ENO2: variants seen among roughly 807,000 people sequenced by gnomAD.
ENO2 encodes the protein enolase 2.
A neutral mutation model predicts 48.7 loss-of-function variants in ENO2; 19 were observed. The observed-to-expected ratio is 0.39, with a 90% CI of 0.27 to 0.57. The LOEUF (loss-of-function observed/expected upper bound fraction) is 0.57, where lower values mean the gene tolerates loss of function less well. ENO2 is among the 20% of genes least tolerant of loss of function. ENO2 has a pLI of 0.58. For synonymous variants in ENO2, 198 were observed against 213.4 expected (o/e 0.93, Z 0.63); for missense variants, 416 against 555.0 (o/e 0.75, Z 2.52).
chr12:6,918,707 C>T (rs1265086682), intron 7 of ENO2, among the ~76,000 whole-genome samples: 31 of 150,702 alleles, frequency 2.1e-4, no homozygotes, highest in African/African-American at 4.6e-4. Context: ...GAAGGCCGGG[C>T]GCGGTGGCTC....
In ENO2 at chr12:6,916,679, A is replaced by C; in HGVS notation, c.190A>C (p.Lys64Gln). ...CCTCTTCCTTTCCCCAGGTGTCCTG[A>C]AGGCAGTGGACCACATCAACTCCAC... ...KQRYLGKGVL[K>Q]AVDHINSTIA... The change falls in exon 4 of 12, where the codon AAG (lysine) becomes CAG (glutamine). Residue 64 changes from lysine (K) to glutamine (Q), a missense_variant. Lys to Gln is a moderately conservative substitution (Grantham distance 53). Coordinates refer to ENST00000229277, the MANE Select transcript of ENO2 (RefSeq NM_001975.3). This position sits in a 1 kb window ranked among gnomAD's most constrained non-coding sequence, Gnocchi z 4.5. 6.2e-7 allele frequency: 1 copy of C among 1,614,148 alleles called. No individual in the cohort carries two copies. The highest frequency in any genetic ancestry group is 8.5e-7 in the Non-Finnish European group (1 of 1,180,006).
At chr12:6,920,824 G>T (rs1472100698) in intron 8 of ENO2, among the ~76,000 whole-genome samples, 2 of 141,916 alleles carry the variant, frequency 1.4e-5, no homozygotes, top group Admixed American at 1.5e-4. Context: ...GCCTCCCAAA[G>T]TGCTGGGATT....
Position 6,916,596 on chromosome 12 carries a change from A to AT in ENO2, c.182-74dup. 6.2e-7 allele frequency: 1 copy of AT among 1,611,028 alleles called. No homozygotes were observed. Among genetic ancestry groups the AT allele is most frequent in the East Asian group, 2.2e-5 (1 of 44,864 alleles). On this transcript the variant is annotated intron_variant, in intron 3 of 11. Coordinates refer to ENST00000229277, the MANE Select transcript of ENO2 (RefSeq NM_001975.3). This position sits in a 1 kb window ranked among gnomAD's most constrained non-coding sequence, Gnocchi z 4.5. ...CACCAGTCCCCAGTCCTCCTCTAGC[A>AT]TGGCTTCCCCTCCTCCCATTGATCC...
chr12:6,915,672 A>C, intron 1 of ENO2, 149 bp from the exon 2 acceptor site: 22 of 589,782 alleles, frequency 3.7e-5, no homozygotes, highest in East Asian at 1.0e-4. Context: ...CTACAGCCCT[A>C]GACTGCAGCC....
At position 6,917,039 on chromosome 12, in the gene ENO2, G is replaced by A; in HGVS notation, c.242G>A (p.Gly81Asp). The A allele has an allele frequency of 6.2e-7, 1 of 1,614,166 alleles. No homozygotes were observed. Among genetic ancestry groups the A allele is most frequent in the Non-Finnish European group, 8.5e-7 (1 of 1,180,042 alleles). ...GGGTGATGGAGGCTCTGCCCTCAGG[G>A]TCTCTCTGTGGTGGAGCAAGAGAAA... is the stretch of plus-strand genomic sequence containing the variant. ...STIAPALISS[G>D]LSVVEQEKLD... is the part of the protein sequence containing the mutation. Residue 81 changes from glycine (G) to aspartate (D), a missense_variant and splice_region_variant, in exon 5 of 12, where the codon GGT becomes GAT. Gly to Asp is a moderately conservative substitution (Grantham distance 94). Coordinates refer to ENST00000229277, the MANE Select transcript of ENO2 (RefSeq NM_001975.3).
Position 6,917,673 on chromosome 12 carries a change from G to A in ENO2, c.403G>A (p.Ala135Thr). ...ERELPLYRHI[A>T]QLAGNSDLIL... The stretch of plus-strand genomic sequence containing the variant: ...GGAACTGCCCCTGTATCGCCACATT[G>A]CTCAGCTGGCCGGGAACTCAGACCT... The change falls in exon 6 of 12, where the codon GCT becomes ACT. Residue 135 changes from alanine (A) to threonine (T), a missense_variant. Coordinates refer to ENST00000229277, the MANE Select transcript of ENO2 (RefSeq NM_001975.3). The A allele has an allele frequency of 6.3e-7, 1 of 1,578,778 alleles. No homozygotes were observed. The highest frequency in any genetic ancestry group is 8.6e-7 in the Non-Finnish European group (1 of 1,159,738).
At chr12:6,921,987 C>A in intron 9 of ENO2, 69 bp from the exon 10 acceptor site, 1 of 1,598,632 alleles carries the variant, frequency 6.3e-7, no homozygotes, top group Non-Finnish European at 8.6e-7. Flanking sequence ...CTGACATAGA[C>A]CAAGGTTGGG....
In ENO2 at chr12:6,923,642, G is replaced by C. The variant is rs1166695783; in HGVS notation, c.*842G>C. On this transcript the variant is annotated 3_prime_UTR_variant, in exon 12 of 12. Coordinates refer to ENST00000229277, the MANE Select transcript of ENO2 (RefSeq NM_001975.3). ...ACTCCCCATGCCACGTTCCACAGTT[G>C]CCACCACCTCTGTGGCATTGAAATG... is the stretch of plus-strand genomic sequence containing the variant. 6.6e-6 allele frequency: 1 copy of C among 152,308 alleles called. No homozygotes were observed. Among genetic ancestry groups the C allele is most frequent in the Non-Finnish European group, 1.5e-5 (1 of 68,154 alleles). 9.4% of individuals were successfully genotyped at this position (152,308 alleles called of 1,614,324 possible). A position where few individuals can be genotyped will look rare whatever the true frequency, so the allele number is the denominator to read the frequency against.
intron 6 of ENO2, 58 bp from the exon 7 acceptor site, chr12:6,917,882 C>T: frequency 1.3e-6 from 2 of 1,599,088 alleles, no homozygotes; most frequent in Non-Finnish European, 1.7e-6. Flanking sequence ...TGGGTTAACA[C>T]TCCTGGGGCG....
In ENO2 at chr12:6,921,617, G is replaced by C. The variant is rs781982269; in HGVS notation, c.902G>C (p.Trp301Ser). Residue 301 changes from tryptophan (W) to serine (S), a missense_variant, in exon 9 of 12, where the codon TGG (tryptophan) becomes TCG (serine). Coordinates refer to ENST00000229277, the MANE Select transcript of ENO2 (RefSeq NM_001975.3). ...GAGGACCCATTTGACCAGGATGATT[G>C]GGCTGCCTGGTCCAAGTTCACAGCC... ...SIEDPFDQDD[W>S]AAWSKFTANV... 6.8e-6 allele frequency: 11 copies of C among 1,613,968 alleles called. No individual in the cohort carries two copies. Among genetic ancestry groups the C allele is most frequent in the Admixed American group, 1.7e-5 (1 of 59,996 alleles).
chr12:6,922,324 A>G lies in ENO2; in HGVS notation c.1177-20A>G, dbSNP rs1555142211. ...GTGAGAGGGCAGTCACTGAGCTGCA[A>G]ATCCTTTGAAATGTTTCAGATCAAG... On this transcript the variant is annotated intron_variant, in intron 10 of 11. Coordinates refer to ENST00000229277, the MANE Select transcript of ENO2 (RefSeq NM_001975.3). The surrounding 1 kb of genome is among the most constrained non-coding windows in gnomAD (Gnocchi z 5.3). 1 of 1,614,128 alleles carries G rather than the reference A, an allele frequency of 6.2e-7. No individual in the cohort carries two copies. Among genetic ancestry groups the G allele is most frequent in the Admixed American group, 1.7e-5 (1 of 60,018 alleles).
In ENO2 at chr12:6,916,716, C is replaced by A. The variant is rs1271489114; in HGVS notation, c.227C>A (p.Ala76Asp). ...VDHINSTIAPALISSGLSVVE... is the reference protein window; with the variant it reads ...VDHINSTIAPDLISSGLSVVE... ...CACATCAACTCCACCATCGCGCCAGCCCTCATCAGCTCAGTGAGGCCTGCT... is the reference window on the plus strand; with the variant it reads ...CACATCAACTCCACCATCGCGCCAGACCTCATCAGCTCAGTGAGGCCTGCT... Residue 76 changes from alanine (A) to aspartate (D), a missense_variant, in exon 4 of 12, where the codon GCC becomes GAC. Coordinates refer to ENST00000229277, the MANE Select transcript of ENO2 (RefSeq NM_001975.3). The surrounding 1 kb of genome is among the most constrained non-coding windows in gnomAD (Gnocchi z 4.5). The A allele has an allele frequency of 6.2e-7, 1 of 1,614,038 alleles. No homozygotes were observed. The highest frequency in any genetic ancestry group is 2.2e-5 in the East Asian group (1 of 44,882).
At chr12:6,917,145 G>C in intron 5 of ENO2, 38 bp downstream of exon 5, 1 of 1,612,244 alleles carries the variant, frequency 6.2e-7, no homozygotes, top group Non-Finnish European at 8.5e-7. Context: ...AAGCGTCAGG[G>C]TGGGGAGGCG....
In ENO2 at chr12:6,918,024, A is replaced by C. The variant is rs1555141807; in HGVS notation, c.529A>C (p.Ser177Arg). The change falls in exon 7 of 12, where the codon AGC (serine) becomes CGC (arginine). Residue 177 changes from serine (S) to arginine (R), a missense_variant. Transcript: ENST00000229277. ...EFMILPVGAE[S>R]FRDAMRLGAE... ...CATGATCCTCCCAGTGGGAGCTGAG[A>C]GCTTTCGGGATGCCATGCGACTAGG... 3 of 1,614,130 alleles carry C rather than the reference A, an allele frequency of 1.9e-6. No homozygotes were observed. Among genetic ancestry groups the C allele is most frequent in the Non-Finnish European group, 2.5e-6 (3 of 1,180,024 alleles).
chr12:6,922,694 A>T lies in ENO2; in HGVS notation c.1236-37A>T. 6.2e-7 allele frequency: 1 copy of T among 1,612,404 alleles called. No homozygotes were observed. On this transcript the variant is annotated intron_variant, in intron 11 of 11. Coordinates refer to ENST00000229277, the MANE Select transcript of ENO2 (RefSeq NM_001975.3). The surrounding 1 kb of genome is among the most constrained non-coding windows in gnomAD (Gnocchi z 5.3). The stretch of plus-strand genomic sequence containing the variant: ...AGAGAGAGAAGCAGGATCCTCCTGC[A>T]TCCCTGACCACTTCCTTTGTGGTTC...
At position 6,922,442 on chromosome 12, in the gene ENO2, T is replaced by TAAAG; in HGVS notation, c.1235+41_1235+44dup. 6.2e-7 allele frequency: 1 copy of TAAAG among 1,612,394 alleles called. No individual in the cohort carries two copies. The highest frequency in any genetic ancestry group is 8.5e-7 in the Non-Finnish European group (1 of 1,178,656). On this transcript the variant is annotated intron_variant, in intron 11 of 11. Coordinates refer to ENST00000229277, the MANE Select transcript of ENO2 (RefSeq NM_001975.3). The surrounding 1 kb of genome is among the most constrained non-coding windows in gnomAD (Gnocchi z 5.3). ...GGTGGGAGCCCCTGGCCCAGATGGC[T>TAAAG]AAAGGCCCCATTTGCCTGCCAGACC...
Position 6,919,781 on chromosome 12 carries a change from G to T in ENO2, c.865+18G>T. 1 of 1,611,256 alleles carries T rather than the reference G, an allele frequency of 6.2e-7. No individual in the cohort carries two copies. Among genetic ancestry groups the T allele is most frequent in the Non-Finnish European group, 8.5e-7 (1 of 1,178,534 alleles). ...CTATCCTGGTGAGAGGAAGTGGTGT[G>T]AGGGGGAGGTCTGGGGGCAGGCAGG... On this transcript the variant is annotated intron_variant, in intron 8 of 11. Transcript: ENST00000229277.
chr12:6,920,842 T>G (rs1271192782), intron 8 of ENO2, among the ~76,000 whole-genome samples: 1 of 149,588 alleles, frequency 6.7e-6, no homozygotes, highest in African/African-American at 2.5e-5. Context: ...ATTACAGGCA[T>G]GAGCCACTGT....
intron 8 of ENO2, among the ~76,000 whole-genome samples, chr12:6,920,606 G>T (rs997312988): frequency 6.6e-6 from 1 of 151,206 alleles, no homozygotes; most frequent in Admixed American, 6.6e-5. Flanking sequence ...CTCCATGTTG[G>T]TCAGGCTGGT....
Sources: allele counts gnomAD v4.1 joint callset (sites outside exome capture counted in the v4.1 genomes callset), GRCh38; gene constraint gnomAD v4.1.1; non-coding constraint Gnocchi (gnomAD v3.1); transcripts MANE v1.5; gene names NCBI Gene and HGNC (gene_info 2026-07-23, HGNC 2026-07-21).